The following HS6ST3 variants were observed in gnomAD, a reference collection of about 807,000 sequenced individuals.
HS6ST3 encodes heparan-sulfate 6-O-sulfotransferase 3.
A neutral mutation model predicts 36.7 loss-of-function variants in HS6ST3; 12 were observed. The observed-to-expected ratio is 0.33, with a 90% CI of 0.21 to 0.53. The LOEUF (loss-of-function observed/expected upper bound fraction) is 0.53. HS6ST3 is among the 20% of genes least tolerant of loss of function. The pLI is 0.95. For missense variants in HS6ST3, 584 were observed against 640.9 expected (o/e 0.91, Z 0.96); for synonymous variants, 240 against 257.5 (o/e 0.93, Z 0.65).
At chr13:96,139,826 T>C (rs774653786) in intron 1 of HS6ST3, among the ~76,000 whole-genome samples, 9 of 152,120 alleles carry the variant, frequency 5.9e-5, no homozygotes, top group Non-Finnish European at 1.3e-4. Flanking sequence ...AAGAGTGGTA[T>C]CTCTGTTCTC....
chr13:96,225,697 T>A (rs1426574962), intron 1 of HS6ST3, among the ~76,000 whole-genome samples: 1 of 152,244 alleles, frequency 6.6e-6, no homozygotes, highest in Admixed American at 6.5e-5. Flanking sequence ...CTGGGTTTTT[T>A]ATTCTGTGTT....
chr13:96,590,294 A>T (rs1370807958), intron 1 of HS6ST3, among the ~76,000 whole-genome samples: 1 of 152,136 alleles, frequency 6.6e-6, no homozygotes, highest in African/African-American at 2.4e-5. Flanking sequence ...ACTAATTTAC[A>T]TTCCCACCAA....
At chr13:96,639,859 C>T (rs1344149493) in intron 1 of HS6ST3, among the ~76,000 whole-genome samples, 2 of 151,994 alleles carry the variant, frequency 1.3e-5, no homozygotes, top group African/African-American at 2.4e-5. Context: ...TCACCAGCTA[C>T]ATTCATGTTG....
At chr13:96,607,973 G>A (rs1353908885) in intron 1 of HS6ST3, among the ~76,000 whole-genome samples, 1 of 152,134 alleles carries the variant, frequency 6.6e-6, no homozygotes, top group Non-Finnish European at 1.5e-5. Flanking sequence ...GGAAAATCTT[G>A]TAATGGTAGC....
chr13:96,637,282 G>A (rs956490260), intron 1 of HS6ST3, among the ~76,000 whole-genome samples: 9 of 152,112 alleles, frequency 5.9e-5, no homozygotes, highest in African/African-American at 1.9e-4. Context: ...GTGGAAAAGT[G>A]TCTATGTAAG....
intron 1 of HS6ST3, among the ~76,000 whole-genome samples, chr13:96,741,385 GTTA>G (rs1397206398): frequency 1.3e-5 from 2 of 152,156 alleles, no homozygotes; most frequent in Non-Finnish European, 2.9e-5. Flanking sequence ...TGTAATCATG[GTTA>G]TTATTATTTT....
At chr13:96,740,423 C>A (rs955782717) in intron 1 of HS6ST3, among the ~76,000 whole-genome samples, 5 of 152,110 alleles carry the variant, frequency 3.3e-5, no homozygotes, top group Admixed American at 6.5e-5. Context: ...CATTTTTAAT[C>A]TTTGAATTGT....
intron 1 of HS6ST3, among the ~76,000 whole-genome samples, chr13:96,207,121 C>G (rs969392482): frequency 6.6e-6 from 1 of 152,032 alleles, no homozygotes; most frequent in Non-Finnish European, 1.5e-5. Context: ...AAAACCTAAA[C>G]AACCCTGTTA....
intron 1 of HS6ST3, among the ~76,000 whole-genome samples, chr13:96,727,448 C>T (rs925643001): frequency 1.3e-5 from 2 of 152,046 alleles, no homozygotes; most frequent in African/African-American, 2.4e-5. Context: ...AACTCACCAT[C>T]GCTTCTCATT....
At chr13:96,407,544 G>C (rs567218163) in intron 1 of HS6ST3, among the ~76,000 whole-genome samples, 1 of 152,290 alleles carries the variant, frequency 6.6e-6, no homozygotes, top group South Asian at 2.1e-4. Context: ...GGTTAGATAG[G>C]TTGTATTCAC....
intron 1 of HS6ST3, among the ~76,000 whole-genome samples, chr13:96,260,174 C>T (rs2054656970): frequency 6.6e-6 from 1 of 152,070 alleles, no homozygotes; most frequent in African/African-American, 2.4e-5. Context: ...TTGCAAGGAT[C>T]CTAGCTTGAA....
At chr13:96,503,902 G>A (rs574054849) in intron 1 of HS6ST3, among the ~76,000 whole-genome samples, 1 of 152,150 alleles carries the variant, frequency 6.6e-6, no homozygotes, top group South Asian at 2.1e-4. Flanking sequence ...GGGAGATTGA[G>A]TGTCCCATGA....
intron 1 of HS6ST3, among the ~76,000 whole-genome samples, chr13:96,773,610 C>T (rs945206485): frequency 1.3e-5 from 2 of 152,138 alleles, no homozygotes; most frequent in African/African-American, 4.8e-5. Context: ...GCTGCTGTAG[C>T]CAGACTGCCT....
chr13:96,541,756 A>G (rs2056178796), intron 1 of HS6ST3, among the ~76,000 whole-genome samples: 1 of 152,176 alleles, frequency 6.6e-6, no homozygotes, highest in African/African-American at 2.4e-5. Context: ...AATATATAAG[A>G]ACGTTTGCCC....
intron 1 of HS6ST3, among the ~76,000 whole-genome samples, chr13:96,404,594 G>GA (rs1402256582): frequency 1.3e-5 from 2 of 152,204 alleles, no homozygotes; most frequent in Non-Finnish European, 2.9e-5. Flanking sequence ...ATATAGGAAG[G>GA]AAAGTTTGGA....
intron 1 of HS6ST3, among the ~76,000 whole-genome samples, chr13:96,516,063 CTTT>C (rs1298327274): frequency 6.4e-5 from 9 of 140,264 alleles, no homozygotes; most frequent in Admixed American, 7.2e-5. Flanking sequence ...ACAGCATTAA[CTTT>C]TTTTTTTTTT....
chr13:96,151,281 G>A (rs1255180355), intron 1 of HS6ST3, among the ~76,000 whole-genome samples: 1 of 152,102 alleles, frequency 6.6e-6, no homozygotes, highest in African/African-American at 2.4e-5. Flanking sequence ...ACGTGCACAT[G>A]TAATCATGAC....
intron 1 of HS6ST3, among the ~76,000 whole-genome samples, chr13:96,479,578 C>T (rs2055880648): frequency 6.6e-6 from 1 of 151,928 alleles, no homozygotes; most frequent in African/African-American, 2.4e-5. Context: ...GGAATGGTAA[C>T]CTGATTTAAG....
At chr13:96,586,127 T>C (rs533312647) in intron 1 of HS6ST3, among the ~76,000 whole-genome samples, 43 of 152,182 alleles carry the variant, frequency 2.8e-4, no homozygotes, top group African/African-American at 4.1e-4. Context: ...TGTTAGGACT[T>C]TTGCTAGTAT....
Sources: allele counts gnomAD v4.1 joint callset (sites outside exome capture counted in the v4.1 genomes callset), GRCh38; gene constraint gnomAD v4.1.1; transcripts MANE v1.5; gene names NCBI Gene and HGNC (gene_info 2026-07-23, HGNC 2026-07-21).